TEAD1: variants seen among roughly 807,000 people sequenced by gnomAD.
TEAD1 encodes TEA domain transcription factor 1, also known as transcriptional enhancer factor TEF-1.
TEAD1 carries 9 observed loss-of-function variants against 54.9 expected under a neutral mutation model. The observed-to-expected ratio is 0.16, with a 90% CI of 0.10 to 0.29. TEAD1 has a LOEUF of 0.29. Ranked by LOEUF, TEAD1 falls within the 10% of genes least tolerant of loss-of-function variation. TEAD1 has a pLI of 1.00. For missense variants in TEAD1, 387 were observed against 535.9 expected (o/e 0.72, Z 2.74); for synonymous variants, 200 against 187.8 (o/e 1.07, Z -0.53).
At position 12,934,967 on chromosome 11, in the gene TEAD1, C is replaced by T. The variant is rs1182216195; in HGVS notation, c.1168-2142C>T. 2.0e-5 allele frequency among the ~76,000 whole-genome samples: 3 copies of T among 152,068 alleles called. No individual in the cohort carries two copies. In the East Asian group the frequency reaches 5.8e-4, roughly 29 times the overall value. ...GTAGGGATTCTCAGGGATGTTGCCTCGATGGATAAGGAGACATCTTTCTGA... is the reference window on the plus strand; with the variant it reads ...GTAGGGATTCTCAGGGATGTTGCCTTGATGGATAAGGAGACATCTTTCTGA... On this transcript the variant is annotated intron_variant, in intron 12 of 12. Coordinates refer to ENST00000527636, the MANE Select transcript of TEAD1 (RefSeq NM_021961.6).
At chr11:12,771,484 T>G (rs1208561508) in intron 3 of TEAD1, among the ~76,000 whole-genome samples, 1 of 152,110 alleles carries the variant, frequency 6.6e-6, no homozygotes, top group South Asian at 2.1e-4. Context: ...GGGATGAGAT[T>G]TGTGAAAAAG....
chr11:12,721,954 G>A (rs1382791657), intron 2 of TEAD1, among the ~76,000 whole-genome samples: 1 of 152,188 alleles, frequency 6.6e-6, no homozygotes, highest in Non-Finnish European at 1.5e-5. Flanking sequence ...AGTTGCCTGG[G>A]AGGCTGGTTA....
At chr11:12,711,048 C>T (rs1943925810) in intron 2 of TEAD1, among the ~76,000 whole-genome samples, 1 of 152,090 alleles carries the variant, frequency 6.6e-6, no homozygotes, top group South Asian at 2.1e-4. Flanking sequence ...TGTTTAGGAG[C>T]TTGGATTGAT....
intron 2 of TEAD1, among the ~76,000 whole-genome samples, chr11:12,741,241 A>G (rs1944644459): frequency 6.6e-6 from 1 of 151,948 alleles, no homozygotes; most frequent in African/African-American, 2.4e-5. Context: ...GCATTCATGT[A>G]CTGTTTTTTT....
intron 2 of TEAD1, among the ~76,000 whole-genome samples, chr11:12,679,165 C>T (rs73421934): frequency 2.0e-5 from 3 of 152,024 alleles, no homozygotes; most frequent in Admixed American, 6.6e-5. Context: ...GGAAGGTCCT[C>T]GTAAAAACCT....
At chr11:12,820,360 C>A (rs1418582991) in intron 3 of TEAD1, among the ~76,000 whole-genome samples, 1 of 145,832 alleles carries the variant, frequency 6.9e-6, no homozygotes, top group African/African-American at 2.5e-5. Flanking sequence ...CAGTGGCATC[C>A]ACAGTTTTAG....
At chr11:12,784,704 T>A (rs955445726) in intron 3 of TEAD1, among the ~76,000 whole-genome samples, 1 of 152,196 alleles carries the variant, frequency 6.6e-6, no homozygotes, top group Non-Finnish European at 1.5e-5. Context: ...TGTTCCTTTC[T>A]GTGGCCCCCT....
chr11:12,701,730 C>T lies in TEAD1; in HGVS notation c.-55+26169C>T, dbSNP rs531771776. Among the ~76,000 whole-genome samples the T allele has an allele frequency of 1.4e-3, 208 of 152,080 alleles. 1 individual carries two copies. Among genetic ancestry groups the T allele is most frequent in the African/African-American group, 4.7e-3 (194 of 41,496 alleles). On this transcript the variant is annotated intron_variant, in intron 2 of 12. Coordinates refer to ENST00000527636, the MANE Select transcript of TEAD1 (RefSeq NM_021961.6). ...CCAGTCTAAAATGGTGAGTGATGTA[C>T]GGGAGGTGTGGGGCTCACCAGATAA...
At chr11:12,685,271 T>A (rs757213280) in intron 2 of TEAD1, among the ~76,000 whole-genome samples, 3 of 152,152 alleles carry the variant, frequency 2.0e-5, no homozygotes, top group Non-Finnish European at 4.4e-5. Context: ...AGGAGAGTAG[T>A]CTGGTTGAGG....
At chr11:12,917,348 C>T (rs1048892378) in intron 10 of TEAD1, among the ~76,000 whole-genome samples, 4 of 152,120 alleles carry the variant, frequency 2.6e-5, no homozygotes, top group African/African-American at 4.8e-5. Flanking sequence ...TAAGGAGTTG[C>T]GTCCCTTCTA....
chr11:12,907,551 G>A (rs7928644), intron 10 of TEAD1, among the ~76,000 whole-genome samples: 8,590 of 152,050 alleles, frequency 0.056, 343 homozygotes, highest in East Asian at 0.12. Flanking sequence ...ATTCTACAGC[G>A]TATTTAATTA....
At chr11:12,689,338 A>G (rs975680025) in intron 2 of TEAD1, among the ~76,000 whole-genome samples, 1 of 152,202 alleles carries the variant, frequency 6.6e-6, no homozygotes. Flanking sequence ...GGAATAACAT[A>G]ACTCATTCTC....
chr11:12,815,494 G>C (rs1324619557), intron 3 of TEAD1, among the ~76,000 whole-genome samples: 1 of 152,196 alleles, frequency 6.6e-6, no homozygotes, highest in African/African-American at 2.4e-5. Flanking sequence ...ATGGACCCAA[G>C]CTGCAAAAAT....
chr11:12,778,931 T>G (rs1945488426), intron 3 of TEAD1, among the ~76,000 whole-genome samples: 1 of 152,198 alleles, frequency 6.6e-6, no homozygotes, highest in Non-Finnish European at 1.5e-5. Flanking sequence ...CTCCCCTGTT[T>G]ACACTTTTCC....
chr11:12,923,932 A>G (rs1948860178), intron 10 of TEAD1, among the ~76,000 whole-genome samples: 1 of 152,238 alleles, frequency 6.6e-6, no homozygotes, highest in African/African-American at 2.4e-5. Flanking sequence ...ACGCTGCAGC[A>G]GCCAGTTTCC....
intron 3 of TEAD1, among the ~76,000 whole-genome samples, chr11:12,776,576 T>C (rs909166468): frequency 1.4e-4 from 22 of 152,010 alleles, no homozygotes; most frequent in Non-Finnish European, 2.9e-4. Context: ...CAGATTCTCA[T>C]TTAATTATAA....
rs1408742790 is a variant in TEAD1 at position 12,674,759 on chromosome 11, C to G, written c.-283C>G. On this transcript the variant is annotated 5_prime_UTR_variant, in exon 1 of 13. Transcript: ENST00000527636. ...GGGAGCCGGGGAGGGAGCCGGGCACCGAGCAGAGGGCGGGGGAAGCGGCGC... is the reference window on the plus strand; with the variant it reads ...GGGAGCCGGGGAGGGAGCCGGGCACGGAGCAGAGGGCGGGGGAAGCGGCGC... 1 of 151,016 alleles carries G rather than the reference C, an allele frequency of 6.6e-6. No individual in the cohort carries two copies. Among genetic ancestry groups the G allele is most frequent in the Non-Finnish European group, 1.5e-5 (1 of 67,768 alleles). 9.4% of individuals were successfully genotyped at this position (151,016 alleles called of 1,614,324 possible). A position where few individuals can be genotyped will look rare whatever the true frequency, so the allele number is the denominator to read the frequency against.
intron 3 of TEAD1, among the ~76,000 whole-genome samples, chr11:12,841,387 G>C (rs1394284803): frequency 6.6e-6 from 1 of 152,228 alleles, no homozygotes; most frequent in African/African-American, 2.4e-5. Context: ...TCCTGAGATG[G>C]TGGGGATGGA....
chr11:12,832,713 T>C (rs571252016), intron 3 of TEAD1, among the ~76,000 whole-genome samples: 2 of 152,384 alleles, frequency 1.3e-5, no homozygotes, highest in South Asian at 4.1e-4. Flanking sequence ...GCCAAGGGCA[T>C]GATGCAGAAC....
Sources: allele counts gnomAD v4.1 joint callset (sites outside exome capture counted in the v4.1 genomes callset), GRCh38; gene constraint gnomAD v4.1.1; transcripts MANE v1.5; gene names NCBI Gene and HGNC (gene_info 2026-07-23, HGNC 2026-07-21).